The following PPP1R12B variants were observed in gnomAD, a reference collection of about 807,000 sequenced individuals.
PPP1R12B encodes the protein protein phosphatase 1 regulatory subunit 12B, also known as myosin phosphatase target subunit 2.
In PPP1R12B, 76 loss-of-function variants were observed where a neutral mutation model predicts 126.1. That is an observed-to-expected ratio of 0.60 (90% CI 0.50 to 0.73). PPP1R12B has a LOEUF of 0.73. PPP1R12B is among the 30% of genes least tolerant of loss of function. The pLI, the probability that PPP1R12B is intolerant of heterozygous loss-of-function variation, is 0.00. For missense variants in PPP1R12B, 1,052 were observed against 1,205.1 expected, an observed-to-expected ratio of 0.87 and a Z score of 1.88; for synonymous variants, 356 against 434.7, an observed-to-expected ratio of 0.82 and a Z score of 2.25.
chr1:202,418,130 C>G (rs1668321938), intron 2 of PPP1R12B, among the ~76,000 whole-genome samples: 1 of 152,232 alleles, frequency 6.6e-6, no homozygotes. Context: ...ACCTCTTCAT[C>G]CCCTAGGCTG....
chr1:202,482,653 A>G (rs769151047), intron 13 of PPP1R12B, among the ~76,000 whole-genome samples: 12 of 152,070 alleles, frequency 7.9e-5, no homozygotes, highest in Non-Finnish European at 1.2e-4. Context: ...TCCTTGTCAG[A>G]TGTATAGTTT....
At chr1:202,380,290 A>G (rs1227029374) in intron 1 of PPP1R12B, among the ~76,000 whole-genome samples, 5 of 152,134 alleles carry the variant, frequency 3.3e-5, no homozygotes, top group Admixed American at 2.6e-4. Flanking sequence ...TTAGCAAACC[A>G]CAGGTGATAT....
intron 13 of PPP1R12B, among the ~76,000 whole-genome samples, chr1:202,465,807 A>G (rs749663944): frequency 4.8e-4 from 73 of 152,298 alleles, no homozygotes; most frequent in Non-Finnish European, 8.7e-4. Flanking sequence ...TTCTAACCTG[A>G]TAAAGGGAAC....
intron 1 of PPP1R12B, among the ~76,000 whole-genome samples, chr1:202,416,275 C>G (rs1668046528): frequency 6.6e-6 from 1 of 151,848 alleles, no homozygotes; most frequent in Non-Finnish European, 1.5e-5. Flanking sequence ...GCCTGTAATC[C>G]CAGCACTTTG....
intron 13 of PPP1R12B, among the ~76,000 whole-genome samples, chr1:202,463,724 G>T (rs1457874717): frequency 6.6e-6 from 1 of 152,144 alleles, no homozygotes; most frequent in Non-Finnish European, 1.5e-5. Context: ...TTTCCTAGTT[G>T]ATCTTGTTCA....
At chr1:202,486,641 C>T (rs1418447676) in intron 13 of PPP1R12B, among the ~76,000 whole-genome samples, 1 of 152,000 alleles carries the variant, frequency 6.6e-6, no homozygotes, top group Non-Finnish European at 1.5e-5. Context: ...CTCATCTCTA[C>T]TAAAAATAAA....
At chr1:202,552,109 A>G (rs1225219624) in intron 18 of PPP1R12B, among the ~76,000 whole-genome samples, 2 of 152,268 alleles carry the variant, frequency 1.3e-5, no homozygotes, top group Non-Finnish European at 2.9e-5. Flanking sequence ...GCAGCAATAG[A>G]AAACTAATGA....
At chr1:202,438,454 C>A in intron 10 of PPP1R12B, 1 of 431,568 alleles carries the variant, frequency 2.3e-6, no homozygotes, top group Admixed American at 3.5e-5. Context: ...CAGGGTCCCA[C>A]CGCTTGAGGA....
In PPP1R12B at chr1:202,493,248, G is replaced by C; in HGVS notation, c.2076G>C (p.Glu692Asp). 6.2e-7 allele frequency: 1 copy of C among 1,613,010 alleles called. No individual in the cohort carries two copies. Among genetic ancestry groups the C allele is most frequent in the Non-Finnish European group, 8.5e-7 (1 of 1,179,862 alleles). Reference protein sequence around the residue: ...EGLEGSPEKHEPSAVPATEAG... With the variant: ...EGLEGSPEKHDPSAVPATEAG... ...TTGAGGGGAGCCCTGAGAAGCATGA[G>C]CCCTCAGCAGTTCCAGCAACAGAAG... Residue 692 changes from glutamate (E) to aspartate (D), a missense_variant, in exon 15 of 24, where the codon GAG (glutamate) becomes GAC (aspartate). Glu to Asp is a conservative substitution (Grantham distance 45). Transcript: ENST00000608999.
At chr1:202,526,856 G>A (rs1683401825) in intron 18 of PPP1R12B, among the ~76,000 whole-genome samples, 1 of 152,016 alleles carries the variant, frequency 6.6e-6, no homozygotes, top group Admixed American at 6.5e-5. Context: ...TGGGTAAGGA[G>A]GTAATTATAA....
At chr1:202,449,335 G>A (rs963259645) in intron 13 of PPP1R12B, among the ~76,000 whole-genome samples, 164 bp downstream of exon 13, 2 of 151,726 alleles carry the variant, frequency 1.3e-5, no homozygotes, top group Non-Finnish European at 2.9e-5. Context: ...GAGTGCAGTG[G>A]CGCCATCTTG....
chr1:202,380,162 C>T lies in PPP1R12B; in HGVS notation c.291+31020C>T, dbSNP rs549442798. ...CTGCTCCTGCTCCCCTTCTATGCCTCGTAAAACCCTCCTAATCACTTCAAG... is the reference window on the plus strand; with the variant it reads ...CTGCTCCTGCTCCCCTTCTATGCCTTGTAAAACCCTCCTAATCACTTCAAG... On this transcript the variant is annotated intron_variant, in intron 1 of 23. Coordinates refer to ENST00000608999, the MANE Select transcript of PPP1R12B (RefSeq NM_002481.4). 2.6e-5 allele frequency among the ~76,000 whole-genome samples: 4 copies of T among 152,148 alleles called. No individual in the cohort carries two copies. The South Asian group carries it at 6.2e-4, about 24-fold the overall frequency.
chr1:202,540,822 C>T (rs1256752163), intron 18 of PPP1R12B, among the ~76,000 whole-genome samples: 1 of 152,208 alleles, frequency 6.6e-6, no homozygotes, highest in African/African-American at 2.4e-5. Context: ...ACTCCTTAAT[C>T]ACCAAGTACC....
At position 202,495,620 on chromosome 1, in the gene PPP1R12B, C is replaced by G; in HGVS notation, c.2386C>G (p.Arg796Gly). ...GCAGTCCTCTAAGAGGCTGTCCATC[C>G]GAGAGAGGAGGCGGCCCAAGGAACG... Reference protein sequence around the residue: ...DEQSSKRLSIRERRRPKERRR... With the variant: ...DEQSSKRLSIGERRRPKERRR... Residue 796 changes from arginine to glycine, a missense_variant, in exon 17 of 24, where the codon CGA (arginine) becomes GGA (glycine). Coordinates refer to ENST00000608999, the MANE Select transcript of PPP1R12B (RefSeq NM_002481.4). The G allele has an allele frequency of 6.2e-7, 1 of 1,614,064 alleles. No homozygotes were observed. The highest frequency in any genetic ancestry group is 8.5e-7 in the Non-Finnish European group (1 of 1,180,014).
chr1:202,490,939 C>G (rs1678779954), intron 14 of PPP1R12B, among the ~76,000 whole-genome samples: 1 of 152,304 alleles, frequency 6.6e-6, no homozygotes, highest in Non-Finnish European at 1.5e-5. Context: ...AAATATCTCC[C>G]TGAAACCCTG....
rs188371149 is a variant in PPP1R12B at position 202,520,439 on chromosome 1, A to T, written c.2490+23617A>T. On this transcript the variant is annotated intron_variant, in intron 18 of 23. Coordinates refer to ENST00000608999, the MANE Select transcript of PPP1R12B (RefSeq NM_002481.4). ...GTGGAAAGTACCCTCTTCTTTGCTC[A>T]GTCTGATTCCATTTATGGGAAGCAG... Among the ~76,000 whole-genome samples, 26 of 152,320 alleles carry T rather than the reference A, an allele frequency of 1.7e-4. 1 individual carries two copies. In the East Asian group the frequency reaches 4.4e-3, roughly 26 times the overall value.
At position 202,377,517 on chromosome 1, in the gene PPP1R12B, G is replaced by C. The variant is rs553668363; in HGVS notation, c.291+28375G>C. Among the ~76,000 whole-genome samples the C allele has an allele frequency of 2.0e-5, 3 of 151,978 alleles. No homozygotes were observed. The South Asian group carries it at 6.2e-4, about 32-fold the overall frequency. On this transcript the variant is annotated intron_variant, in intron 1 of 23. Transcript: ENST00000608999. ...GACGGGGTTTCACCGTGTTAGCCAG[G>C]ATGGTCTCGATCTCCCGACACCATG... is the stretch of plus-strand genomic sequence containing the variant.
At chr1:202,399,668 TTG>T (rs1386515440) in intron 1 of PPP1R12B, among the ~76,000 whole-genome samples, 1 of 152,000 alleles carries the variant, frequency 6.6e-6, no homozygotes, top group Non-Finnish European at 1.5e-5. Context: ...GGCTAATTTT[TTG>T]TGTTTTTAGT....
chr1:202,475,942 G>T (rs1327211353), intron 13 of PPP1R12B, among the ~76,000 whole-genome samples: 1 of 152,144 alleles, frequency 6.6e-6, no homozygotes, highest in Admixed American at 6.5e-5. Context: ...GCTCATGCCT[G>T]TAATCCTAGC....
Sources: gnomAD v4.1 joint callset for allele counts (sites outside exome capture counted in the v4.1 genomes callset) on GRCh38, gnomAD v4.1.1 for gene constraint, MANE v1.5 for transcripts, NCBI Gene and HGNC (gene_info 2026-07-23, HGNC 2026-07-21) for gene names.